RELN: variants seen among roughly 807,000 people sequenced by gnomAD.
RELN encodes the protein reelin.
RELN carries 108 observed loss-of-function variants against 427.6 expected under a neutral mutation model. That is an observed-to-expected ratio of 0.25 (90% CI 0.22 to 0.30). The LOEUF (loss-of-function observed/expected upper bound fraction) is 0.30. Among genes scored for constraint, RELN ranks in the 10% least tolerant of loss-of-function variants. The probability of loss-of-function intolerance (pLI) is 1.00; values close to 1 mark genes in which losing one functional copy is unlikely to be tolerated. For synonymous variants in RELN, 1,524 were observed against 1,513.4 expected (o/e 1.01, Z -0.16); for missense variants, 3,715 against 4,302.8 (o/e 0.86, Z 3.82).
intron 46 of RELN, among the ~76,000 whole-genome samples, chr7:103,533,509 C>T (rs1477337201): frequency 6.6e-6 from 1 of 152,130 alleles, no homozygotes; most frequent in Non-Finnish European, 1.5e-5. Flanking sequence ...GTGACTCTGG[C>T]TTGGGCTCCC....
At chr7:103,939,326 AAAAT>A (rs1343066755) in intron 1 of RELN, among the ~76,000 whole-genome samples, 3 of 152,220 alleles carry the variant, frequency 2.0e-5, no homozygotes, top group Non-Finnish European at 4.4e-5. Context: ...GATTAGATAG[AAAAT>A]AAATAGAAAA....
chr7:103,590,565 T>TC (rs1562909055), intron 27 of RELN, among the ~76,000 whole-genome samples: 333 of 22,700 alleles, frequency 0.015, 3 homozygotes, highest in African/African-American at 0.058. Flanking sequence ...ATCTCAACAA[T>TC]AAATAAATAA....
At chr7:103,504,924 A>G (rs1829157168) in intron 51 of RELN, among the ~76,000 whole-genome samples, 1 of 152,170 alleles carries the variant, frequency 6.6e-6, no homozygotes, top group African/African-American at 2.4e-5. Flanking sequence ...AGGCTTGAGT[A>G]GGCGGTTTTC....
In RELN at chr7:103,496,609, T is replaced by A. The variant is rs200611412; in HGVS notation, c.9110A>T (p.Glu3037Val). The change falls in exon 56 of 65, where the codon GAG (glutamate) becomes GTG (valine). Residue 3037 changes from glutamate (E) to valine (V), a missense_variant. Glu to Val is a moderately radical substitution (Grantham distance 121). Around this residue, in one of 4 missense-constraint regions of RELN, gnomAD observed 1,310 missense variants for 1,643.0 expected, o/e 0.80. Coordinates refer to ENST00000428762, the MANE Select transcript of RELN (RefSeq NM_005045.4). ...ISNGIVVSGV[E>V]RAQWALDNIL... The stretch of plus-strand genomic sequence containing the variant: ...GTTGTCCAGTGCCCACTGAGCACGC[T>A]CCACCCCAGAGACCACAATTCCATT... 5.6e-6 allele frequency: 9 copies of A among 1,614,142 alleles called. No individual in the cohort carries two copies. Among genetic ancestry groups the A allele is most frequent in the African/African-American group, 2.7e-5 (2 of 75,038 alleles).
rs3025922 is a variant in RELN at position 103,535,666 on chromosome 7, C to T, written c.7181-182G>A. 0.019 allele frequency among the ~76,000 whole-genome samples: 2,919 copies of T among 152,130 alleles called. 106 individuals carry two copies. The highest frequency in any genetic ancestry group is 0.066 in the African/African-American group (2,743 of 41,488). On this transcript the variant is annotated intron_variant, in intron 45 of 64. Transcript: ENST00000428762. ...AATTTTTCTCTCTGTATATTACTAGCTATTATTTTTAAATTTCCATGTTGA... is the reference window on the plus strand; with the variant it reads ...AATTTTTCTCTCTGTATATTACTAGTTATTATTTTTAAATTTCCATGTTGA...
chr7:103,694,427 C>A (rs1341465801), intron 10 of RELN, among the ~76,000 whole-genome samples: 1 of 151,894 alleles, frequency 6.6e-6, no homozygotes, highest in East Asian at 1.9e-4. Flanking sequence ...GGGACTAACA[C>A]AGCATCTTCT....
chr7:103,521,553 G>T (rs988709533), intron 48 of RELN, among the ~76,000 whole-genome samples: 1 of 151,950 alleles, frequency 6.6e-6, no homozygotes, highest in Admixed American at 6.6e-5. Flanking sequence ...CAGATTTTTG[G>T]CTCCTTAAAT....
chr7:103,585,564 G>T (rs1831251102), intron 28 of RELN, among the ~76,000 whole-genome samples: 1 of 152,024 alleles, frequency 6.6e-6, no homozygotes. Context: ...GTAAGAAAAA[G>T]TCTTCCAACA....
chr7:103,700,348 A>G (rs1834064080), intron 9 of RELN, among the ~76,000 whole-genome samples: 2 of 152,144 alleles, frequency 1.3e-5, no homozygotes. Context: ...CAAGCATCCT[A>G]CCTTATTTTC....
intron 47 of RELN, among the ~76,000 whole-genome samples, chr7:103,522,468 C>T (rs1829731618): frequency 6.6e-6 from 1 of 152,132 alleles, no homozygotes; most frequent in South Asian, 2.1e-4. Flanking sequence ...CTACTAAAGG[C>T]CCATCTCATA....
chr7:103,984,785 G>A (rs893853079), intron 1 of RELN, among the ~76,000 whole-genome samples: 8 of 152,152 alleles, frequency 5.3e-5, no homozygotes, highest in Middle Eastern at 3.2e-3. Flanking sequence ...TCCAGAATCA[G>A]ACATATGAAG....
chr7:103,564,378 A>G (rs1830701970), intron 34 of RELN, among the ~76,000 whole-genome samples: 1 of 152,240 alleles, frequency 6.6e-6, no homozygotes, highest in Non-Finnish European at 1.5e-5. Flanking sequence ...AGAAGCCAGT[A>G]GAAGCAGTGA....
intron 8 of RELN, among the ~76,000 whole-genome samples, chr7:103,705,555 T>C (rs1452874023): frequency 6.6e-6 from 1 of 152,224 alleles, no homozygotes; most frequent in Admixed American, 6.5e-5. Context: ...GATAATGAAT[T>C]CAATGCTTAT....
At chr7:103,495,971 T>C (rs928195579) in intron 56 of RELN, 73 bp from the exon 57 acceptor site, 2 of 1,515,602 alleles carry the variant, frequency 1.3e-6, no homozygotes, top group Admixed American at 3.3e-5. Flanking sequence ...TGGCATATTA[T>C]TCTCTTGAAC....
At chr7:103,531,383 A>G (rs1829937045) in intron 46 of RELN, among the ~76,000 whole-genome samples, 1 of 152,252 alleles carries the variant, frequency 6.6e-6, no homozygotes, top group South Asian at 2.1e-4. Context: ...GAAACTATGA[A>G]TCTATCTACT....
intron 1 of RELN, among the ~76,000 whole-genome samples, chr7:103,980,393 C>A (rs1301155995): frequency 6.6e-6 from 1 of 152,000 alleles, no homozygotes; most frequent in Non-Finnish European, 1.5e-5. Context: ...CTTTGTTTAG[C>A]ATAGATATCA....
At position 103,606,494 on chromosome 7, in the gene RELN, A is replaced by T. The variant is rs149870160; in HGVS notation, c.3009-2011T>A. 4.6e-3 allele frequency among the ~76,000 whole-genome samples: 694 copies of T among 152,294 alleles called. 4 individuals carry two copies. Among genetic ancestry groups the T allele is most frequent in the African/African-American group, 0.016 (659 of 41,550 alleles). On this transcript the variant is annotated intron_variant, in intron 22 of 64. Coordinates refer to ENST00000428762, the MANE Select transcript of RELN (RefSeq NM_005045.4). The stretch of plus-strand genomic sequence containing the variant: ...TGTAGTTCCTCACCTCTCAAATAAA[A>T]GGTTTAGGCAAACTAATTTCTAAGA...
chr7:103,505,801 C>T (rs1413120312), intron 51 of RELN, among the ~76,000 whole-genome samples: 4 of 152,062 alleles, frequency 2.6e-5, no homozygotes, highest in Admixed American at 6.6e-5. Flanking sequence ...AAGCTAAAGG[C>T]GCATGTTCTA....
chr7:103,651,822 T>C (rs774016725), intron 14 of RELN, 33 bp from the exon 15 acceptor site: 1 of 1,607,098 alleles, frequency 6.2e-7, no homozygotes, highest in East Asian at 2.2e-5. Flanking sequence ...ACACAAAAGG[T>C]GGGGAGGGTA....
Sources: gnomAD v4.1 joint callset for allele counts (sites outside exome capture counted in the v4.1 genomes callset) on GRCh38, gnomAD v4.1.1 for gene constraint, gnomAD v4.1.1 regional missense constraint, MANE v1.5 for transcripts, NCBI Gene and HGNC (gene_info 2026-07-23, HGNC 2026-07-21) for gene names.